The following BCAS3 variants were observed in gnomAD, a reference collection of about 807,000 sequenced individuals.
BCAS3 encodes the protein BCAS4/BCAS3 fusion.
In BCAS3, 53 loss-of-function variants were observed where a neutral mutation model predicts 116.1. That is an observed-to-expected ratio of 0.46 (90% CI 0.37 to 0.57). The LOEUF (loss-of-function observed/expected upper bound fraction) is 0.57. Among genes scored for constraint, BCAS3 ranks in the 20% least tolerant of loss-of-function variants. BCAS3 has a pLI of 0.00. For missense variants in BCAS3, 917 were observed against 1,165.4 expected (o/e 0.79, Z 3.10); for synonymous variants, 391 against 408.2 (o/e 0.96, Z 0.51).
At chr17:61,116,761 G>T (rs530597757) in intron 22 of BCAS3, among the ~76,000 whole-genome samples, 2 of 152,118 alleles carry the variant, frequency 1.3e-5, no homozygotes, top group African/African-American at 4.8e-5. Flanking sequence ...CTGGGTATAG[G>T]ATTCAAGGTT....
At chr17:61,049,987 C>A (rs1168080593) in intron 19 of BCAS3, among the ~76,000 whole-genome samples, 1 of 151,952 alleles carries the variant, frequency 6.6e-6, no homozygotes, top group Non-Finnish European at 1.5e-5. Context: ...TCTACCTCGG[C>A]CTCCCAAAGT....
At chr17:61,293,667 T>C (rs1199563891) in intron 22 of BCAS3, among the ~76,000 whole-genome samples, 1 of 152,144 alleles carries the variant, frequency 6.6e-6, no homozygotes, top group African/African-American at 2.4e-5. Flanking sequence ...CACTGTCAAG[T>C]ATGAAAGAGA....
intron 5 of BCAS3, chr17:60,720,012 G>A (rs2039061268): frequency 6.6e-6 from 1 of 152,126 alleles, no homozygotes; most frequent in Non-Finnish European, 1.5e-5. Flanking sequence ...ATCATGTAAA[G>A]CAAAAATTGT....
chr17:61,153,479 C>G (rs1366796925), intron 22 of BCAS3, among the ~76,000 whole-genome samples: 1 of 152,036 alleles, frequency 6.6e-6, no homozygotes, highest in Non-Finnish European at 1.5e-5. Flanking sequence ...ATGACTTTGC[C>G]CTTAAAAGAT....
chr17:61,309,280 T>C lies in BCAS3; in HGVS notation c.2426-59047T>C, dbSNP rs2054103885. Among the ~76,000 whole-genome samples, 1 of 152,070 alleles carries C rather than the reference T, an allele frequency of 6.6e-6. No individual in the cohort carries two copies. Among genetic ancestry groups the C allele is most frequent in the African/African-American group, 2.4e-5 (1 of 41,410 alleles). ...GTCAAGATGGAAAAGAGACCCAGAG[T>C]CCCCTTTCGTCCTCCCCATTCATTC... On this transcript the variant is annotated intron_variant, in intron 22 of 23. Transcript: ENST00000407086. This position sits in a 1 kb window ranked among gnomAD's most constrained non-coding sequence, Gnocchi z 4.6.
chr17:61,215,570 A>C lies in BCAS3; in HGVS notation c.2425+131006A>C, dbSNP rs758992176. Among the ~76,000 whole-genome samples the C allele has an allele frequency of 5.5e-4, 84 of 152,376 alleles. No homozygotes were observed. Among genetic ancestry groups the C allele is most frequent in the Non-Finnish European group, 9.3e-4 (63 of 68,040 alleles). On this transcript the variant is annotated intron_variant, in intron 22 of 23. Transcript: ENST00000407086. The surrounding 1 kb of genome is among the most constrained non-coding windows in gnomAD (Gnocchi z 4.8). ...ACCAAGATACATTATGCCACTGACT[A>C]TAAAATACAGAGGAACATACTTTTT...
chr17:60,840,644 A>G (rs2051818150), intron 7 of BCAS3, among the ~76,000 whole-genome samples: 1 of 152,180 alleles, frequency 6.6e-6, no homozygotes, highest in Non-Finnish European at 1.5e-5. Flanking sequence ...TGTCTTACGT[A>G]GAAACCGTTG....
At chr17:61,078,264 T>C (rs2072217816) in intron 20 of BCAS3, 69 bp from the exon 21 acceptor site, 2 of 1,271,676 alleles carry the variant, frequency 1.6e-6, no homozygotes, top group Non-Finnish European at 2.2e-6. Context: ...AGAGGAAGAA[T>C]GGGGGATTGT....
At chr17:61,053,713 AAG>A (rs1158044011) in intron 19 of BCAS3, among the ~76,000 whole-genome samples, 1 of 152,210 alleles carries the variant, frequency 6.6e-6, no homozygotes, top group Non-Finnish European at 1.5e-5. Context: ...AAGGGGAAGA[AAG>A]AAATGTTTTT....
rs1403865159 is a variant in BCAS3 at position 61,323,308 on chromosome 17, T to A, written c.2426-45019T>A. Among the ~76,000 whole-genome samples, 1 of 152,154 alleles carries A rather than the reference T, an allele frequency of 6.6e-6. No homozygotes were observed. The highest frequency in any genetic ancestry group is 2.4e-5 in the African/African-American group (1 of 41,452). ...TTATTCTTCTCCTCTGAAATCTCACTGGTTGAATATGAATTTATGTGGAGC... is the reference window on the plus strand; with the variant it reads ...TTATTCTTCTCCTCTGAAATCTCACAGGTTGAATATGAATTTATGTGGAGC... On this transcript the variant is annotated intron_variant, in intron 22 of 23. Transcript: ENST00000407086. The surrounding 1 kb of genome is among the most constrained non-coding windows in gnomAD (Gnocchi z 4.6).
chr17:60,749,152 C>T (rs1008116343), intron 6 of BCAS3: 4 of 151,992 alleles, frequency 2.6e-5, no homozygotes, highest in Admixed American at 6.6e-5. Flanking sequence ...TGCTTTAATT[C>T]GTTATGGTGG....
At position 61,235,722 on chromosome 17, in the gene BCAS3, A is replaced by G. The variant is rs1245168164; in HGVS notation, c.2426-132605A>G. ...GTTTAAAAAAAAAAAAAAGGAGAAG[A>G]AGGAGAAAGAAAGACAAGGGAAAAA... On this transcript the variant is annotated intron_variant, in intron 22 of 23. Transcript: ENST00000407086. The surrounding 1 kb of genome is among the most constrained non-coding windows in gnomAD (Gnocchi z 5.0). Among the ~76,000 whole-genome samples, 7 of 151,260 alleles carry G rather than the reference A, an allele frequency of 4.6e-5. No individual in the cohort carries two copies. The highest frequency in any genetic ancestry group is 4.6e-4 in the Admixed American group (7 of 15,200).
intron 22 of BCAS3, among the ~76,000 whole-genome samples, chr17:61,267,917 G>A (rs1158500500): frequency 1.3e-5 from 2 of 152,026 alleles, no homozygotes; most frequent in East Asian, 1.9e-4. Flanking sequence ...GTCTTCGTGT[G>A]TACAAAGCTC....
In BCAS3 at chr17:61,151,946, C is replaced by A. The variant is rs1034455590; in HGVS notation, c.2425+67382C>A. Among the ~76,000 whole-genome samples the A allele has an allele frequency of 1.3e-5, 2 of 152,100 alleles. No individual in the cohort carries two copies. The highest frequency in any genetic ancestry group is 3.9e-4 in the East Asian group (2 of 5,194). ...CCAGCTCCACATAGTGACACAGTAC[C>A]GGAAGGGCAAGGATTCTCTGTGTGC... On this transcript the variant is annotated intron_variant, in intron 22 of 23. Coordinates refer to ENST00000407086, the MANE Select transcript of BCAS3 (RefSeq NM_017679.5). The surrounding 1 kb of genome is among the most constrained non-coding windows in gnomAD (Gnocchi z 4.8).
rs2048930279 is a variant in BCAS3, at chr17:61,258,131, G to A, written c.2426-110196G>A. On this transcript the variant is annotated intron_variant, in intron 22 of 23. Coordinates refer to ENST00000407086, the MANE Select transcript of BCAS3 (RefSeq NM_017679.5). This position sits in a 1 kb window ranked among gnomAD's most constrained non-coding sequence, Gnocchi z 4.7. ...TTCTACTCACCTTTCAAGGTTTAGA[G>A]AAAATAGCGCTCTTCCTTGCAACCT... Among the ~76,000 whole-genome samples the A allele has an allele frequency of 6.6e-6, 1 of 151,936 alleles. No individual in the cohort carries two copies. The highest frequency in any genetic ancestry group is 1.5e-5 in the Non-Finnish European group (1 of 67,974).
At chr17:61,039,960 C>G (rs1009308563) in intron 18 of BCAS3, among the ~76,000 whole-genome samples, 1 of 151,990 alleles carries the variant, frequency 6.6e-6, no homozygotes, top group Non-Finnish European at 1.5e-5. Flanking sequence ...GTGGTTAAGC[C>G]TTATAGGAAT....
intron 9 of BCAS3, among the ~76,000 whole-genome samples, chr17:60,878,830 AT>A (rs1325852447): frequency 6.6e-6 from 1 of 152,166 alleles, no homozygotes; most frequent in Non-Finnish European, 1.5e-5. Flanking sequence ...AATTTGGCCG[AT>A]TTTCTTTGAA....
At chr17:60,771,258 T>A (rs974447918) in intron 6 of BCAS3, among the ~76,000 whole-genome samples, 4 of 152,120 alleles carry the variant, frequency 2.6e-5, no homozygotes, top group Admixed American at 2.6e-4. Context: ...ATTTTTAAGG[T>A]CTAAAATAGC....
chr17:61,248,326 G>A lies in BCAS3; in HGVS notation c.2426-120001G>A, dbSNP rs2048131954. On this transcript the variant is annotated intron_variant, in intron 22 of 23. Transcript: ENST00000407086. The surrounding 1 kb of genome is among the most constrained non-coding windows in gnomAD (Gnocchi z 4.3). ...TTTGTCTCTATGTTTTCTGTCTTGG[G>A]TAAAGGAATATATTTGTGAATTGTG... is the stretch of plus-strand genomic sequence containing the variant. Among the ~76,000 whole-genome samples, 1 of 152,112 alleles carries A rather than the reference G, an allele frequency of 6.6e-6. No homozygotes were observed. The highest frequency in any genetic ancestry group is 2.1e-4 in the South Asian group (1 of 4,826).
Sources: allele counts gnomAD v4.1 joint callset (sites outside exome capture counted in the v4.1 genomes callset), GRCh38; gene constraint gnomAD v4.1.1; non-coding constraint Gnocchi (gnomAD v3.1); transcripts MANE v1.5; gene names NCBI Gene and HGNC (gene_info 2026-07-23, HGNC 2026-07-21).